Variants in ZFP2 observed in about 807,000 individuals in gnomAD.
The protein encoded by ZFP2 is zinc finger protein ZFP2.
ZFP2 carries 33 observed loss-of-function variants against 36.1 expected under a neutral mutation model. The observed-to-expected ratio is 0.92, with a 90% CI of 0.69 to 1.22. The LOEUF (loss-of-function observed/expected upper bound fraction) is 1.22. Ranked by LOEUF, ZFP2 falls within the 50% of genes most tolerant of loss-of-function variation. The pLI is 0.00. For missense variants in ZFP2, 522 were observed against 551.4 expected (o/e 0.95, Z 0.53); for synonymous variants, 170 against 178.0 (o/e 0.96, Z 0.36).
At position 178,933,189 on chromosome 5, in the gene ZFP2, A is replaced by G. The variant is rs569491284; in HGVS notation, c.*490A>G. 1.2e-5 allele frequency: 2 copies of G among 169,658 alleles called. No individual in the cohort carries two copies. Among genetic ancestry groups the G allele is most frequent in the East Asian group, 1.9e-4 (1 of 5,214 alleles). The allele number at this position is 169,658 out of a possible 1,614,324, so 10.5% of individuals were successfully genotyped here. A position where few individuals can be genotyped will look rare whatever the true frequency, so the allele number is the denominator to read the frequency against. The stretch of plus-strand genomic sequence containing the variant: ...GTTAGCTCTAAAATGCTACAACTCT[A>G]TAAATATAATGAATGCTGGGAAATC... On this transcript the variant is annotated 3_prime_UTR_variant, in exon 5 of 5. Coordinates refer to ENST00000361362, the MANE Select transcript of ZFP2 (RefSeq NM_030613.4).
At chr5:178,917,109 T>A (rs1055536750) in intron 4 of ZFP2, among the ~76,000 whole-genome samples, 2 of 152,224 alleles carry the variant, frequency 1.3e-5, no homozygotes, top group African/African-American at 2.4e-5. Flanking sequence ...TGGAAAGCAG[T>A]GTCTTTTAGC....
intron 3 of ZFP2, among the ~76,000 whole-genome samples, chr5:178,915,182 T>G (rs765265630): frequency 6.6e-6 from 1 of 152,194 alleles, no homozygotes; most frequent in East Asian, 1.9e-4. Context: ...TGATGCCATT[T>G]TCATTGCTTA....
chr5:178,909,488 TG>T (rs972467208), intron 1 of ZFP2, among the ~76,000 whole-genome samples: 2 of 152,204 alleles, frequency 1.3e-5, no homozygotes, highest in Non-Finnish European at 2.9e-5. Flanking sequence ...ATACTAGCAT[TG>T]GCCCCCTGGT....
intron 4 of ZFP2, among the ~76,000 whole-genome samples, chr5:178,923,575 T>G (rs962022463): frequency 3.3e-5 from 5 of 149,546 alleles, no homozygotes. Flanking sequence ...CTGTTATTAC[T>G]GAATCTTCAT....
At chr5:178,904,050 T>G (rs1724697884) in intron 1 of ZFP2, among the ~76,000 whole-genome samples, 2 of 152,152 alleles carry the variant, frequency 1.3e-5, no homozygotes, top group South Asian at 4.1e-4. Context: ...ATATAAATCT[T>G]TTTCTGTGTT....
At chr5:178,897,083 C>G (rs1757961883) in intron 1 of ZFP2, among the ~76,000 whole-genome samples, 1 of 150,168 alleles carries the variant, frequency 6.7e-6, no homozygotes, top group South Asian at 2.1e-4. Flanking sequence ...GGCCATCTGG[C>G]TACATACATC....
intron 4 of ZFP2, among the ~76,000 whole-genome samples, chr5:178,919,535 A>G (rs1213449703): frequency 6.6e-6 from 1 of 152,226 alleles, no homozygotes; most frequent in Non-Finnish European, 1.5e-5. Flanking sequence ...CTTTGAAATA[A>G]TTAATCCACT....
At chr5:178,905,970 T>C (rs1758157604) in intron 1 of ZFP2, among the ~76,000 whole-genome samples, 1 of 152,178 alleles carries the variant, frequency 6.6e-6, no homozygotes, top group South Asian at 2.1e-4. Context: ...CAGGCTGGTC[T>C]CGAACCCCTG....
At chr5:178,903,576 A>T (rs1243960969) in intron 1 of ZFP2, among the ~76,000 whole-genome samples, 11 of 152,188 alleles carry the variant, frequency 7.2e-5, no homozygotes, top group Non-Finnish European at 1.3e-4. Context: ...GTATTCTGTC[A>T]TGTTTCTTTT....
chr5:178,930,849 A>G (rs978198328), intron 4 of ZFP2, among the ~76,000 whole-genome samples: 10 of 152,184 alleles, frequency 6.6e-5, no homozygotes, highest in Non-Finnish European at 1.3e-4. Flanking sequence ...AATACCAGGT[A>G]CAGTGTGCAG....
At chr5:178,905,341 T>C (rs1490676426) in intron 1 of ZFP2, among the ~76,000 whole-genome samples, 3 of 152,234 alleles carry the variant, frequency 2.0e-5, no homozygotes, top group Admixed American at 2.0e-4. Flanking sequence ...TTTCTGTTGC[T>C]GTTGTAATTG....
Position 178,932,662 on chromosome 5 carries a change from G to A in ZFP2, c.1349G>A (p.Ser450Asn), listed in dbSNP as rs1481225045. 6.2e-7 allele frequency: 1 copy of A among 1,611,160 alleles called. No homozygotes were observed. The highest frequency in any genetic ancestry group is 8.5e-7 in the Non-Finnish European group (1 of 1,178,652). Reference protein sequence around the residue: ...CNECGKAFSRSTNLTRHQRTH... With the variant: ...CNECGKAFSRNTNLTRHQRTH... The stretch of plus-strand genomic sequence containing the variant: ...GAATGCGGAAAAGCCTTCAGCCGGA[G>A]TACAAACCTTACACGACATCAAAGA... The change falls in exon 5 of 5, where the codon AGT becomes AAT. Residue 450 changes from serine to asparagine, a missense_variant. Ser to Asn is a conservative substitution (Grantham distance 46). Transcript: ENST00000361362.
intron 4 of ZFP2, among the ~76,000 whole-genome samples, chr5:178,928,012 A>G (rs1758728647): frequency 6.6e-6 from 1 of 151,778 alleles, no homozygotes; most frequent in South Asian, 2.1e-4. Flanking sequence ...AGAGAGTGGC[A>G]GGGGGAGGTG....
intron 4 of ZFP2, among the ~76,000 whole-genome samples, chr5:178,922,936 A>G (rs948060072): frequency 6.7e-6 from 1 of 149,672 alleles, no homozygotes; most frequent in East Asian, 1.9e-4. Flanking sequence ...TGAAAGCTAT[A>G]TAATTTCCTC....
chr5:178,930,314 CTTTTTTTTTTTTTTTT>C (rs990713790), intron 4 of ZFP2, among the ~76,000 whole-genome samples: 2 of 71,324 alleles, frequency 2.8e-5, no homozygotes, highest in Non-Finnish European at 4.9e-5. Context: ...TTTCCCTTTC[CTTTTTTTTTTTTTTTT>C]TTTTTTTTGA....
At chr5:178,925,971 C>T (rs777180289) in intron 4 of ZFP2, among the ~76,000 whole-genome samples, 1 of 148,798 alleles carries the variant, frequency 6.7e-6, no homozygotes, top group African/African-American at 2.4e-5. Flanking sequence ...CCTCAGCCTC[C>T]GAGTAGCTGA....
Position 178,929,949 on chromosome 5 carries a change from G to GT in ZFP2, c.-77-1288_-77-1287insT, listed in dbSNP as rs142456112. On this transcript the variant is annotated intron_variant, in intron 4 of 4. Coordinates refer to ENST00000361362, the MANE Select transcript of ZFP2 (RefSeq NM_030613.4). Reference sequence around the variant, plus strand: ...CCAGCATCTGCTTGACGGTGGGGGGGGGGGCTCAGGAGGCTTACAGTCATG... The same window carrying GT: ...CCAGCATCTGCTTGACGGTGGGGGGGTGGGGCTCAGGAGGCTTACAGTCATG... Among the ~76,000 whole-genome samples the GT allele has an allele frequency of 7.3e-3, 1,101 of 150,158 alleles. 45 individuals are homozygous for GT. Among genetic ancestry groups the GT allele is most frequent in the Non-Finnish European group, 9.8e-3 (658 of 67,188 alleles).
intron 4 of ZFP2, among the ~76,000 whole-genome samples, chr5:178,924,361 A>G (rs1394744470): frequency 9.6e-6 from 1 of 104,058 alleles, no homozygotes; most frequent in African/African-American, 3.3e-5. Flanking sequence ...TGACAGAGAG[A>G]GACTCTGTCT....
At chr5:178,899,147 G>A (rs1757996136) in intron 1 of ZFP2, among the ~76,000 whole-genome samples, 1 of 152,152 alleles carries the variant, frequency 6.6e-6, no homozygotes, top group South Asian at 2.1e-4. Context: ...TGTTATAAGG[G>A]AGTCAGTGTG....
Sources: gnomAD v4.1 joint callset for allele counts (sites outside exome capture counted in the v4.1 genomes callset) on GRCh38, gnomAD v4.1.1 for gene constraint, MANE v1.5 for transcripts, NCBI Gene and HGNC (gene_info 2026-07-23, HGNC 2026-07-21) for gene names.